The following PACS2 variants were observed in gnomAD, a reference collection of about 807,000 sequenced individuals.
PACS2 encodes PACS1-like protein.
PACS2 carries 36 observed loss-of-function variants against 113.0 expected under a neutral mutation model. That is an observed-to-expected ratio of 0.32 (90% CI 0.24 to 0.42). The LOEUF is 0.42. PACS2 is among the 10% of genes least tolerant of loss of function. The pLI, the probability that PACS2 is intolerant of heterozygous loss-of-function variation, is 1.00. For missense variants in PACS2, 1,015 were observed against 1,239.5 expected, an observed-to-expected ratio of 0.82 and a Z score of 2.72; for synonymous variants, 589 against 536.1, an observed-to-expected ratio of 1.10 and a Z score of -1.36.
chr14:105,352,520 C>A, intron 3 of PACS2, 53 bp downstream of exon 3: 2 of 1,113,764 alleles, frequency 1.8e-6, no homozygotes, highest in Non-Finnish European at 2.7e-6. Flanking sequence ...CCTGGGGAGA[C>A]GGGCCCCCCT....
Position 105,382,902 on chromosome 14 carries a change from G to A in PACS2, c.1614G>A (p.Arg538=), listed in dbSNP as rs782389328. ...CGGCCTTCAGCACCATCGTCTCACG[G>A]ATACAGAGATAGTGAGTTGGGCTCC... ...VQAAFSTIVS[R]IQRYCNCNSQ... is the part of the protein sequence containing the mutation. The change falls in exon 15 of 25, where the codon CGG becomes CGA. Residue 538 remains arginine, a synonymous_variant. Transcript: ENST00000447393. The A allele has an allele frequency of 6.3e-6, 10 of 1,594,296 alleles. No individual in the cohort carries two copies. In the South Asian group the frequency reaches 1.1e-4, roughly 18 times the overall value.
upstream of PACS2, chr14:105,314,693 G>T (rs1347098945): frequency 2.1e-5 from 3 of 142,494 alleles, no homozygotes; most frequent in African/African-American, 7.5e-5. Flanking sequence ...GCGCGGGGCG[G>T]CCGGGGGCGC....
At chr14:105,338,753 C>T (rs1041165542) in intron 1 of PACS2, among the ~76,000 whole-genome samples, 2 of 152,244 alleles carry the variant, frequency 1.3e-5, no homozygotes, top group Non-Finnish European at 2.9e-5. Context: ...ACTGGGTCCC[C>T]AGGCATCTGC....
chr14:105,313,127 C>G (rs976968766), upstream of PACS2, among the ~76,000 whole-genome samples: 1 of 152,138 alleles, frequency 6.6e-6, no homozygotes, highest in Non-Finnish European at 1.5e-5. Flanking sequence ...CTCACTTGAC[C>G]CCCAGTTGTA....
intron 4 of PACS2, among the ~76,000 whole-genome samples, chr14:105,364,731 T>C (rs587677108): frequency 1.3e-5 from 2 of 149,124 alleles, no homozygotes; most frequent in Non-Finnish European, 3.0e-5. Flanking sequence ...GGGTCTTACT[T>C]TGCCACCCAG....
At chr14:105,307,769 G>A (rs2058231806) in intron 1 of PACS2, among the ~76,000 whole-genome samples, 1 of 152,232 alleles carries the variant, frequency 6.6e-6, no homozygotes, top group African/African-American at 2.4e-5. Flanking sequence ...TAGCACTGCG[G>A]AGTATGATGG....
intron 1 of PACS2, among the ~76,000 whole-genome samples, chr14:105,304,294 G>T (rs373214527): frequency 1.3e-5 from 2 of 152,074 alleles, no homozygotes; most frequent in African/African-American, 4.8e-5. Context: ...GATCAAGACC[G>T]TCCTGGCCAA....
At chr14:105,333,443 C>T (rs935521753) in intron 1 of PACS2, among the ~76,000 whole-genome samples, 4 of 152,238 alleles carry the variant, frequency 2.6e-5, no homozygotes, top group African/African-American at 9.6e-5. Flanking sequence ...TCCTGGAAGC[C>T]AGTCCCTGGC....
Position 105,314,909 on chromosome 14 carries a change from G to A in PACS2, c.-10G>A. The A allele has an allele frequency of 9.9e-7, 1 of 1,005,428 alleles. No homozygotes were observed. The highest frequency in any genetic ancestry group is 1.2e-6 in the Non-Finnish European group (1 of 845,106). 62.3% of individuals were successfully genotyped at this position (1,005,428 alleles called of 1,614,324 possible). A position where few individuals can be genotyped will look rare whatever the true frequency, so the allele number is the denominator to read the frequency against. On this transcript the variant is annotated 5_prime_UTR_variant, in exon 1 of 25. Coordinates refer to ENST00000447393, the MANE Select transcript of PACS2 (RefSeq NM_001100913.3). Reference sequence around the variant, plus strand: ...CCCCAGGCCGCCGAGGGAGCGGCGGGGCCGGCGCCATGGCCGAGCGAGGCC... The same window carrying A: ...CCCCAGGCCGCCGAGGGAGCGGCGGAGCCGGCGCCATGGCCGAGCGAGGCC...
At chr14:105,304,677 C>A (rs773138307) in intron 1 of PACS2, among the ~76,000 whole-genome samples, 1 of 152,064 alleles carries the variant, frequency 6.6e-6, no homozygotes, top group Admixed American at 6.6e-5. Flanking sequence ...TGAGACTGGG[C>A]GATTAACAAA....
At position 105,383,517 on chromosome 14, in the gene PACS2, A is replaced by G; in HGVS notation, c.1780+4A>G. 1 of 1,581,352 alleles carries G rather than the reference A, an allele frequency of 6.3e-7. No homozygotes were observed. ...CGCTTCCTGGTCATCCCACTGGGTG[A>G]GCACCACGCCGTCCACCTGGGCCTG... is the stretch of plus-strand genomic sequence containing the variant. On this transcript the variant is annotated splice_donor_region_variant and intron_variant, in intron 16 of 24. Coordinates refer to ENST00000447393, the MANE Select transcript of PACS2 (RefSeq NM_001100913.3).
At chr14:105,347,872 G>A (rs2060001035) in intron 1 of PACS2, among the ~76,000 whole-genome samples, 1 of 151,968 alleles carries the variant, frequency 6.6e-6, no homozygotes, top group South Asian at 2.1e-4. Context: ...GCAGCACTAG[G>A]CAGAGTGGAG....
chr14:105,344,325 C>G (rs1555402171), intron 1 of PACS2, among the ~76,000 whole-genome samples: 3 of 151,952 alleles, frequency 2.0e-5, no homozygotes, highest in East Asian at 1.9e-4. Flanking sequence ...GAGTCTCACT[C>G]TGTCCCCCAG....
chr14:105,375,572 CATT>C (rs2061325519), intron 8 of PACS2, among the ~76,000 whole-genome samples: 3 of 151,718 alleles, frequency 2.0e-5, no homozygotes, highest in Admixed American at 6.6e-5. Context: ...TCATCATGAT[CATT>C]ATCACTGGTC....
At chr14:105,312,310 G>C (rs2058369878), upstream of PACS2, among the ~76,000 whole-genome samples, 1 of 152,246 alleles carries the variant, frequency 6.6e-6, no homozygotes, top group Admixed American at 6.5e-5. Flanking sequence ...CAAGCATTCA[G>C]AACCTTGAAG....
At chr14:105,369,777 G>C in intron 7 of PACS2, 64 bp from the exon 8 acceptor site, 1 of 1,420,902 alleles carries the variant, frequency 7.0e-7, no homozygotes, top group Non-Finnish European at 9.6e-7. Flanking sequence ...GCCTGAGGAA[G>C]GGGCTCCAGC....
rs782343874 is a variant in PACS2 at position 105,376,934 on chromosome 14, T to C, written c.959+9T>C. On this transcript the variant is annotated intron_variant, in intron 9 of 24. Coordinates refer to ENST00000447393, the MANE Select transcript of PACS2 (RefSeq NM_001100913.3). This position sits in a 1 kb window ranked among gnomAD's most constrained non-coding sequence, Gnocchi z 4.7. ...CCCAAGCCGAAGCTGCGGTGAGCCCTACAGGGCGGGGCGGGGAGGAACAGC... is the reference window on the plus strand; with the variant it reads ...CCCAAGCCGAAGCTGCGGTGAGCCCCACAGGGCGGGGCGGGGAGGAACAGC... 2.5e-6 allele frequency: 4 copies of C among 1,596,810 alleles called. No homozygotes were observed. In the South Asian group the frequency reaches 4.5e-5, roughly 18 times the overall value.
chr14:105,390,947 G>C (rs948021221), intron 20 of PACS2: 161 of 552,254 alleles, frequency 2.9e-4, no homozygotes, highest in Middle Eastern at 4.9e-4. Flanking sequence ...GTTTGCAGCT[G>C]CCCTGAGGGC....
chr14:105,308,087 G>A (rs1361446193), intron 1 of PACS2, among the ~76,000 whole-genome samples: 1 of 152,128 alleles, frequency 6.6e-6, no homozygotes, highest in Non-Finnish European at 1.5e-5. Context: ...GGAGGCTGAG[G>A]CAGGAGAATC....
Sources: allele counts gnomAD v4.1 joint callset (sites outside exome capture counted in the v4.1 genomes callset), GRCh38; gene constraint gnomAD v4.1.1; non-coding constraint Gnocchi (gnomAD v3.1); transcripts MANE v1.5; gene names NCBI Gene and HGNC (gene_info 2026-07-23, HGNC 2026-07-21).